ZFHX3: variants seen among roughly 807,000 people sequenced by gnomAD.
The protein encoded by ZFHX3 is zinc finger homeobox protein 3.
In ZFHX3, 42 loss-of-function variants were observed where a neutral mutation model predicts 279.1. That is an observed-to-expected ratio of 0.15 (90% confidence interval 0.12 to 0.19). The LOEUF (loss-of-function observed/expected upper bound fraction) is 0.19, where lower values mean the gene tolerates loss of function less well. Among genes scored for constraint, ZFHX3 ranks in the 10% least tolerant of loss-of-function variants. The probability of loss-of-function intolerance (pLI) is 1.00; values close to 1 mark genes in which losing one functional copy is unlikely to be tolerated. For synonymous variants in ZFHX3, 2,293 were observed against 1,957.8 expected, an observed-to-expected ratio of 1.17 and a Z score of -4.52; for missense variants, 4,981 against 4,754.0, an observed-to-expected ratio of 1.05 and a Z score of -1.40.
chr16:73,483,295 C>A, intron 2 of ZFHX3: 1 of 441,824 alleles, frequency 2.3e-6, no homozygotes, highest in Non-Finnish European at 4.5e-6. Context: ...TGCACGGAGC[C>A]TCCGAGAGAG....
chr16:73,372,438 G>A (rs779020562), intron 3 of ZFHX3, among the ~76,000 whole-genome samples: 29 of 152,100 alleles, frequency 1.9e-4, no homozygotes, highest in Non-Finnish European at 3.4e-4. Context: ...GCCAGAAAAC[G>A]TATTTGAATT....
At chr16:73,568,646 C>T (rs543120036) in intron 2 of ZFHX3, among the ~76,000 whole-genome samples, 4 of 152,186 alleles carry the variant, frequency 2.6e-5, no homozygotes, top group Admixed American at 1.3e-4. Flanking sequence ...CTCTTCCCAC[C>T]GGGTAAGTCC....
chr16:73,415,519 C>A (rs144208655), intron 3 of ZFHX3, among the ~76,000 whole-genome samples: 578 of 152,296 alleles, frequency 3.8e-3, no homozygotes, highest in Admixed American at 6.3e-3. Flanking sequence ...TTTCAAGGGC[C>A]AGGCAAAGAT....
chr16:73,548,697 T>C (rs2020161004), intron 2 of ZFHX3, among the ~76,000 whole-genome samples: 1 of 152,122 alleles, frequency 6.6e-6, no homozygotes, highest in African/African-American at 2.4e-5. Flanking sequence ...ACGTATTCAC[T>C]CCACTAGAAG....
chr16:73,341,890 A>G (rs182027216), intron 3 of ZFHX3, among the ~76,000 whole-genome samples: 8 of 152,338 alleles, frequency 5.3e-5, no homozygotes, highest in African/African-American at 9.6e-5. Flanking sequence ...TAAATAGCCA[A>G]ATCTATAGAC....
chr16:72,794,685 G>A lies in ZFHX3; in HGVS notation c.7997C>T (p.Pro2666Leu), dbSNP rs763156400. 6 of 1,614,074 alleles carry A rather than the reference G, an allele frequency of 3.7e-6. No individual in the cohort carries two copies. Among genetic ancestry groups the A allele is most frequent in the East Asian group, 4.5e-5 (2 of 44,886 alleles). ...LYQKYLLDSN[P>L]TRKMLDHIAH... Reference sequence around the variant, plus strand: ...AATGTGATCCAACATCTTTCGAGTCGGATTGGAATCCAGTAGATACTTCTG... The same window carrying A: ...AATGTGATCCAACATCTTTCGAGTCAGATTGGAATCCAGTAGATACTTCTG... Residue 2666 changes from proline (P) to leucine (L), a missense_variant, in exon 9 of 10, where the codon CCG (proline) becomes CTG (leucine). Pro to Leu is a moderately conservative substitution (Grantham distance 98). This residue lies in a region of ZFHX3 where 744 missense variants were observed against 701.3 expected (regional missense o/e 1.06). Coordinates refer to ENST00000268489, the MANE Select transcript of ZFHX3 (RefSeq NM_006885.4). The surrounding 1 kb of genome is among the most constrained non-coding windows in gnomAD (Gnocchi z 4.2).
At chr16:72,896,070 G>T (rs2038892177) in intron 3 of ZFHX3, among the ~76,000 whole-genome samples, 1 of 152,160 alleles carries the variant, frequency 6.6e-6, no homozygotes, top group Admixed American at 6.5e-5. Context: ...TCATAAATGG[G>T]AGCAGAAAAA....
intron 3 of ZFHX3, among the ~76,000 whole-genome samples, chr16:73,442,766 C>T (rs899765595): frequency 5.3e-5 from 8 of 152,188 alleles, no homozygotes; most frequent in East Asian, 1.9e-4. Context: ...GCACCATGAG[C>T]GCAGGATCCA....
intron 2 of ZFHX3, among the ~76,000 whole-genome samples, chr16:73,634,453 T>C (rs1019246220): frequency 6.8e-6 from 1 of 146,556 alleles, no homozygotes; most frequent in African/African-American, 2.5e-5. Flanking sequence ...TATATATATA[T>C]ATATATATAA....
chr16:73,887,977 C>A (rs1197270493), intron 1 of ZFHX3, among the ~76,000 whole-genome samples: 1 of 152,104 alleles, frequency 6.6e-6, no homozygotes, highest in South Asian at 2.1e-4. Context: ...CTGGGAGGAA[C>A]GGTTTATTAT....
chr16:72,865,595 T>C (rs982333042), intron 4 of ZFHX3, among the ~76,000 whole-genome samples: 7 of 152,052 alleles, frequency 4.6e-5, no homozygotes, highest in Admixed American at 1.3e-4. Flanking sequence ...GGGACAGGTA[T>C]AGGCAACAGA....
chr16:73,128,187 G>A (rs1047151096), intron 7 of ZFHX3, among the ~76,000 whole-genome samples: 1 of 152,182 alleles, frequency 6.6e-6, no homozygotes, highest in Non-Finnish European at 1.5e-5. Context: ...CAGGGGGGCT[G>A]GGTTTTAGAA....
chr16:73,631,547 G>A (rs1166823776), intron 2 of ZFHX3, among the ~76,000 whole-genome samples: 1 of 152,112 alleles, frequency 6.6e-6, no homozygotes, highest in Non-Finnish European at 1.5e-5. Flanking sequence ...TCATCTCTGG[G>A]TTAGAAACAA....
chr16:73,078,285 C>T (rs971525872), intron 8 of ZFHX3, among the ~76,000 whole-genome samples: 4 of 152,176 alleles, frequency 2.6e-5, no homozygotes, highest in African/African-American at 9.7e-5. Flanking sequence ...TCAGAATACG[C>T]CTGGCACAGA....
At chr16:73,722,389 G>A (rs2142239471) in intron 1 of ZFHX3, among the ~76,000 whole-genome samples, 1 of 152,300 alleles carries the variant, frequency 6.6e-6, no homozygotes, top group South Asian at 2.1e-4. Context: ...TGAGACGCCA[G>A]CACTATTTTC....
intron 5 of ZFHX3, among the ~76,000 whole-genome samples, chr16:73,185,307 C>T (rs1967886909): frequency 6.6e-6 from 1 of 152,162 alleles, no homozygotes; most frequent in Admixed American, 6.5e-5. Flanking sequence ...CCCCATGTAA[C>T]CGTATGAGGT....
intron 3 of ZFHX3, among the ~76,000 whole-genome samples, chr16:72,903,509 A>G (rs1434509271): frequency 1.3e-5 from 2 of 152,122 alleles, no homozygotes; most frequent in Admixed American, 1.3e-4. Flanking sequence ...ACCTTTCTGG[A>G]TCGGAAATAG....
At chr16:73,374,001 C>A (rs1439735695) in intron 3 of ZFHX3, among the ~76,000 whole-genome samples, 2 of 152,156 alleles carry the variant, frequency 1.3e-5, no homozygotes, top group Non-Finnish European at 1.5e-5. Flanking sequence ...GGGATGAGAA[C>A]GGGGATGGAA....
chr16:73,446,141 T>C (rs2018181563), intron 3 of ZFHX3, among the ~76,000 whole-genome samples: 1 of 152,160 alleles, frequency 6.6e-6, no homozygotes, highest in African/African-American at 2.4e-5. Flanking sequence ...AGGTGTGGAA[T>C]CTTAAGTCTG....
Sources: allele counts gnomAD v4.1 joint callset (sites outside exome capture counted in the v4.1 genomes callset), GRCh38; gene constraint gnomAD v4.1.1; regional missense constraint gnomAD v4.1.1; non-coding constraint Gnocchi (gnomAD v3.1); transcripts MANE v1.5; gene names NCBI Gene and HGNC (gene_info 2026-07-23, HGNC 2026-07-21).